The following KIAA1217 variants were observed in gnomAD, a reference collection of about 807,000 sequenced individuals.
KIAA1217 encodes KIAA1217.
KIAA1217 carries 88 observed loss-of-function variants against 163.9 expected under a neutral mutation model. That is an observed-to-expected ratio of 0.54 (90% CI 0.45 to 0.64). The LOEUF (loss-of-function observed/expected upper bound fraction) is 0.64, where lower values mean the gene tolerates loss of function less well. Ranked by LOEUF, KIAA1217 falls within the 30% of genes least tolerant of loss-of-function variation. KIAA1217 has a pLI of 0.00. For missense variants in KIAA1217, 2,372 were observed against 2,475.0 expected (o/e 0.96, Z 0.88); for synonymous variants, 903 against 923.1 (o/e 0.98, Z 0.39).
At chr10:23,744,773 A>G (rs1011960840) in intron 1 of KIAA1217, among the ~76,000 whole-genome samples, 10 of 152,188 alleles carry the variant, frequency 6.6e-5, no homozygotes, top group Non-Finnish European at 1.5e-4. Flanking sequence ...ATGATTATGG[A>G]GGCTGGAAGG....
At chr10:24,042,295 C>A (rs771943955) in intron 2 of KIAA1217, 18 of 151,812 alleles carry the variant, frequency 1.2e-4, no homozygotes, top group Admixed American at 2.0e-4. Flanking sequence ...ATGTCCAAAC[C>A]CTCTCGCTTG....
chr10:24,424,395 C>T (rs549794996), intron 3 of KIAA1217, among the ~76,000 whole-genome samples: 2 of 152,288 alleles, frequency 1.3e-5, no homozygotes, highest in East Asian at 3.9e-4. Context: ...GGTTAGAACA[C>T]AGAGGATGAC....
chr10:23,926,391 A>C (rs937568617), intron 1 of KIAA1217, among the ~76,000 whole-genome samples: 1 of 152,174 alleles, frequency 6.6e-6, no homozygotes, highest in African/African-American at 2.4e-5. Context: ...AATGATAGAG[A>C]ATGCTGTCAA....
intron 1 of KIAA1217, among the ~76,000 whole-genome samples, chr10:23,901,509 T>G (rs755048128): frequency 2.0e-5 from 3 of 152,150 alleles, no homozygotes; most frequent in Admixed American, 1.3e-4. Flanking sequence ...AACTAACTTA[T>G]GTTGGAAATC....
rs1345209104 is a variant in KIAA1217 at position 24,546,699 on chromosome 10, T to C, written c.*375T>C. On this transcript the variant is annotated 3_prime_UTR_variant, in exon 21 of 21. Coordinates refer to ENST00000376454, the MANE Select transcript of KIAA1217 (RefSeq NM_019590.5). ...TAAAACTATTTTTCATTACGGAGAC[T>C]AGAAGTGAACAGAGAATTACACAAG... is the stretch of plus-strand genomic sequence containing the variant. The C allele has an allele frequency of 6.0e-6, 1 of 167,350 alleles. No individual in the cohort carries two copies. The highest frequency in any genetic ancestry group is 1.3e-5 in the Non-Finnish European group (1 of 77,512). The allele number at this position is 167,350 out of a possible 1,614,324, so 10.4% of individuals were successfully genotyped here.
chr10:24,054,307 A>G (rs1849727757), intron 2 of KIAA1217, among the ~76,000 whole-genome samples: 2 of 152,188 alleles, frequency 1.3e-5, no homozygotes, highest in Non-Finnish European at 2.9e-5. Context: ...TCAGGGCAGG[A>G]CAGAAGCTAT....
intron 1 of KIAA1217, among the ~76,000 whole-genome samples, chr10:23,912,753 A>G (rs1842488001): frequency 1.3e-5 from 2 of 152,258 alleles, no homozygotes; most frequent in African/African-American, 4.8e-5. Context: ...GTGAAATAAA[A>G]TAATCATTTG....
At chr10:23,936,451 GGTT>G (rs1174846786) in intron 1 of KIAA1217, among the ~76,000 whole-genome samples, 1 of 152,158 alleles carries the variant, frequency 6.6e-6, no homozygotes, top group Non-Finnish European at 1.5e-5. Context: ...AATGTAATTA[GGTT>G]GTGATGAAGT....
intron 3 of KIAA1217, among the ~76,000 whole-genome samples, chr10:24,386,629 A>C (rs911319942): frequency 5.3e-5 from 8 of 152,194 alleles, no homozygotes; most frequent in African/African-American, 1.7e-4. Flanking sequence ...GCTGGAGTAC[A>C]GTGGCACAAA....
chr10:23,868,485 GT>G (rs1173428854), intron 1 of KIAA1217, among the ~76,000 whole-genome samples: 4 of 151,540 alleles, frequency 2.6e-5, no homozygotes, highest in Non-Finnish European at 2.9e-5. Flanking sequence ...GTATGGAGAT[GT>G]TTTTTTTTGT....
chr10:24,377,668 T>C (rs2052694635), intron 2 of KIAA1217, among the ~76,000 whole-genome samples: 1 of 152,190 alleles, frequency 6.6e-6, no homozygotes, highest in Non-Finnish European at 1.5e-5. Flanking sequence ...AACATCCTTG[T>C]ATTGTAACCC....
intron 1 of KIAA1217, among the ~76,000 whole-genome samples, chr10:23,944,227 C>T (rs1439841168): frequency 6.6e-6 from 1 of 152,088 alleles, no homozygotes. Context: ...GAGTTCAAGA[C>T]CTGCCTGGGC....
chr10:24,525,304 G>A (rs1055642316), intron 13 of KIAA1217, among the ~76,000 whole-genome samples: 4 of 152,160 alleles, frequency 2.6e-5, no homozygotes, highest in Non-Finnish European at 5.9e-5. Flanking sequence ...ACATCTAGAT[G>A]ATAAGTGGAA....
At chr10:24,288,890 T>G (rs1200652866) in intron 2 of KIAA1217, among the ~76,000 whole-genome samples, 1 of 152,068 alleles carries the variant, frequency 6.6e-6, no homozygotes, top group Non-Finnish European at 1.5e-5. Flanking sequence ...AATAGGGAAG[T>G]GACATATCAA....
chr10:24,497,088 G>A (rs1232551938), intron 8 of KIAA1217, among the ~76,000 whole-genome samples: 1 of 152,200 alleles, frequency 6.6e-6, no homozygotes, highest in East Asian at 1.9e-4. Flanking sequence ...TGCCATAGCA[G>A]CCTTGTATAG....
In KIAA1217 at chr10:24,252,896, C is replaced by G. The variant is rs2074715439; in HGVS notation, c.354+32987C>G. Among the ~76,000 whole-genome samples, 4 of 151,708 alleles carry G rather than the reference C, an allele frequency of 2.6e-5. No individual in the cohort carries two copies. The South Asian group carries it at 8.3e-4, about 32-fold the overall frequency. On this transcript the variant is annotated intron_variant, in intron 2 of 20. Transcript: ENST00000376454. ...GTGGCTCATGCTTGTAATCCCAGCACTTTCCCAGCACTTTGGGAGGCTGAG... is the reference window on the plus strand; with the variant it reads ...GTGGCTCATGCTTGTAATCCCAGCAGTTTCCCAGCACTTTGGGAGGCTGAG...
rs570923686 is a variant in KIAA1217 at position 23,803,410 on chromosome 10, A to G, written c.-321+108176A>G. Among the ~76,000 whole-genome samples, 4 of 152,322 alleles carry G rather than the reference A, an allele frequency of 2.6e-5. 1 individual carries two copies. Among genetic ancestry groups the G allele is most frequent in the Admixed American group, 2.0e-4 (3 of 15,296 alleles). On this transcript the variant is annotated intron_variant, in intron 1 of 18. Transcript: ENST00000376462. Reference sequence around the variant, plus strand: ...GCAGCCCCCGTCCTATGACCGCTCAAGGCAGGGTGCCAGGGCCCAGTCCCC... The same window carrying G: ...GCAGCCCCCGTCCTATGACCGCTCAGGGCAGGGTGCCAGGGCCCAGTCCCC...
At chr10:24,135,701 C>A (rs948613517) in intron 2 of KIAA1217, among the ~76,000 whole-genome samples, 5 of 151,992 alleles carry the variant, frequency 3.3e-5, no homozygotes, top group Admixed American at 1.3e-4. Context: ...ACAGCACAGA[C>A]CTAGGCCTGA....
In KIAA1217 at chr10:23,726,979, C is replaced by CTTTTTTT. The variant is rs1012125050; in HGVS notation, c.-321+31765_-321+31771dup. Among the ~76,000 whole-genome samples, 6 of 93,420 alleles carry CTTTTTTT rather than the reference C, an allele frequency of 6.4e-5. 1 individual carries two copies. The highest frequency in any genetic ancestry group is 3.2e-4 in the East Asian group (1 of 3,120). The allele number at this position is 93,420 out of a possible 152,430, so 61.3% of individuals were successfully genotyped here. A position where few individuals can be genotyped will look rare whatever the true frequency, so the allele number is the denominator to read the frequency against. On this transcript the variant is annotated intron_variant, in intron 1 of 18. Coordinates refer to the KIAA1217 transcript ENST00000376462. ...ATTTCCATGCCATTTGTATAGGCCTCTTTTTTTTTTTTTTTTTTTTTTTTT... is the reference window on the plus strand; with the variant it reads ...ATTTCCATGCCATTTGTATAGGCCTCTTTTTTTTTTTTTTTTTTTTTTTTTTTTTTTT...
Sources: gnomAD v4.1 joint callset for allele counts (sites outside exome capture counted in the v4.1 genomes callset) on GRCh38, gnomAD v4.1.1 for gene constraint, MANE v1.5 for transcripts, NCBI Gene and HGNC (gene_info 2026-07-23, HGNC 2026-07-21) for gene names.